RPL31: variants seen among roughly 807,000 people sequenced by gnomAD.
The protein encoded by RPL31 is ribosomal protein L31, also known as large ribosomal subunit protein eL31.
For missense variants in RPL31, 95 were observed against 164.0 expected (o/e 0.58, Z 2.30); for synonymous variants, 51 against 55.0 (o/e 0.93, Z 0.32).
chr2:101,004,600 T>C (rs1678648887), intron 3 of RPL31: 1 of 363,534 alleles, frequency 2.8e-6, no homozygotes, highest in Non-Finnish European at 4.8e-6. Flanking sequence ...GTGAGCCCAG[T>C]GGAGGAGGGA....
At chr2:101,011,412 G>T, downstream of RPL31, 1 of 1,586,600 alleles carries the variant, frequency 6.3e-7, no homozygotes, top group Non-Finnish European at 8.7e-7. Context: ...CCACTGCAGT[G>T]GTATGCAGGG....
At chr2:101,018,586 T>A (rs781543926) in intron 4 of RPL31, among the ~76,000 whole-genome samples, 13 of 152,340 alleles carry the variant, frequency 8.5e-5, no homozygotes, top group Middle Eastern at 3.4e-3. Context: ...GGACATCCTT[T>A]AATGTGGATT....
At chr2:101,014,507 T>C (rs1679468454) in intron 4 of RPL31, among the ~76,000 whole-genome samples, 1 of 152,212 alleles carries the variant, frequency 6.6e-6, no homozygotes, top group Admixed American at 6.5e-5. Flanking sequence ...AAAGTCATTG[T>C]CTCCTCCAGC....
intron 1 of RPL31, 135 bp downstream of exon 1, chr2:101,002,450 C>G: frequency 1.8e-6 from 1 of 542,250 alleles, no homozygotes; most frequent in Non-Finnish European, 3.3e-6. Flanking sequence ...ATACACCCTG[C>G]TTTTAAAGGC....
intron 4 of RPL31, among the ~76,000 whole-genome samples, chr2:101,014,724 G>A (rs186099301): frequency 3.2e-4 from 48 of 152,250 alleles, no homozygotes; most frequent in Non-Finnish European, 5.0e-4. Context: ...ATATTGGCAC[G>A]TTCTTAAAAG....
chr2:101,017,096 A>C (rs1679710253), intron 4 of RPL31, among the ~76,000 whole-genome samples: 1 of 151,770 alleles, frequency 6.6e-6, no homozygotes, highest in East Asian at 1.9e-4. Flanking sequence ...AAAAAGACAA[A>C]CACGCACATT....
Position 101,006,503 on chromosome 2 carries a change from C to A in RPL31, c.*122C>A. The A allele has an allele frequency of 2.1e-6, 2 of 961,356 alleles. No individual in the cohort carries two copies. Among genetic ancestry groups the A allele is most frequent in the Non-Finnish European group, 3.0e-6 (2 of 663,580 alleles). The allele number at this position is 961,356 out of a possible 1,614,324, so 59.6% of individuals were successfully genotyped here. A position where few individuals can be genotyped will look rare whatever the true frequency, so the allele number is the denominator to read the frequency against. On this transcript the variant is annotated 3_prime_UTR_variant, in exon 5 of 5. Transcript: ENST00000264258. ...ATGGGATCATTTGAAGAGCTTTTCC[C>A]AAATTGATGGCCTGTGCTGCCTTCT... is the stretch of plus-strand genomic sequence containing the variant.
downstream of RPL31, among the ~76,000 whole-genome samples, chr2:101,012,238 A>G (rs1311967261): frequency 6.6e-6 from 1 of 152,246 alleles, no homozygotes; most frequent in Non-Finnish European, 1.5e-5. Context: ...AAGTGTTCAC[A>G]TGCAAACTTG....
Position 101,006,356 on chromosome 2 carries a change from A to T in RPL31, c.353A>T (p.Gln118Leu), listed in dbSNP as rs898166489. The change falls in exon 5 of 5, where the codon CAG becomes CTG. Residue 118 changes from glutamine (Q) to leucine (L), a missense_variant. Coordinates refer to ENST00000264258, the MANE Select transcript of RPL31 (RefSeq NM_000993.5). ...ACTGTTACTTCCTTTACAGATCTAC[A>T]GACAGTCAATGTGGATGAGAACTAA... Reference protein sequence around the residue: ...YVPVTTFKNLQTVNVDEN With the variant: ...YVPVTTFKNLLTVNVDEN The T allele has an allele frequency of 1.9e-6, 3 of 1,610,554 alleles. No homozygotes were observed. Among genetic ancestry groups the T allele is most frequent in the Non-Finnish European group, 2.5e-6 (3 of 1,179,060 alleles).
chr2:101,011,434 T>G (rs565554325), downstream of RPL31: 148 of 1,613,384 alleles, frequency 9.2e-5, no homozygotes, highest in East Asian at 2.9e-3. Context: ...AAAGCAACAA[T>G]GAAAAGAGGT....
chr2:101,019,680 C>T (rs1177355597), exon 5 of RPL31: 2 of 152,130 alleles, frequency 1.3e-5, no homozygotes, highest in African/African-American at 4.8e-5. Context: ...TTTTCTGAAA[C>T]CATGAAGGAC....
At chr2:101,010,914 G>A, downstream of RPL31, 1 of 1,582,752 alleles carries the variant, frequency 6.3e-7, no homozygotes, top group Non-Finnish European at 8.6e-7. Context: ...TCTCTGCACT[G>A]AAGAAAGTCC....
intron 2 of RPL31, among the ~76,000 whole-genome samples, chr2:101,003,159 G>A (rs747475409): frequency 6.6e-6 from 1 of 152,142 alleles, no homozygotes; most frequent in Non-Finnish European, 1.5e-5. Flanking sequence ...ATCCCACATT[G>A]GCTGACCCGC....
At chr2:101,017,090 A>G (rs1679708559) in intron 4 of RPL31, among the ~76,000 whole-genome samples, 1 of 100,426 alleles carries the variant, frequency 1.0e-5, no homozygotes. Context: ...AAAAAAAAAA[A>G]GACAAACACG....
downstream of RPL31, chr2:101,008,102 GCTCCTCCCCACA>G: frequency 6.2e-7 from 1 of 1,613,876 alleles, no homozygotes; most frequent in Non-Finnish European, 8.5e-7. Flanking sequence ...GAAGCCCGCA[GCTCCTCCCCACA>G]CTCCTGGGAG....
chr2:101,018,898 A>G (rs868496916), intron 4 of RPL31: 17 of 1,472,926 alleles, frequency 1.2e-5, no homozygotes, highest in Middle Eastern at 1.7e-4. Flanking sequence ...AGGTTTATCA[A>G]TCTGCAGTGA....
At chr2:101,011,078 A>G, downstream of RPL31, 3 of 1,557,228 alleles carry the variant, frequency 1.9e-6, no homozygotes, top group Non-Finnish European at 2.6e-6. Flanking sequence ...ATTCAGTGAC[A>G]GCAAAAAGGA....
In RPL31 at chr2:101,017,982, G is replaced by A. The variant is rs959596081; in HGVS notation, c.347-1016G>A. Reference sequence around the variant, plus strand: ...AAAAGTCATTATAGAGGATTCGAACGGTTCCAATGCTCGCAATTCTACTTC... The same window carrying A: ...AAAAGTCATTATAGAGGATTCGAACAGTTCCAATGCTCGCAATTCTACTTC... On this transcript the variant is annotated intron_variant, in intron 4 of 4. Transcript: ENST00000409028. 41 of 1,511,806 alleles carry A rather than the reference G, an allele frequency of 2.7e-5. No individual in the cohort carries two copies. In the East Asian group the frequency reaches 6.6e-4, roughly 24 times the overall value. 93.6% of individuals were successfully genotyped at this position (1,511,806 alleles called of 1,614,324 possible). A position where few individuals can be genotyped will look rare whatever the true frequency, so the allele number is the denominator to read the frequency against.
chr2:101,013,267 C>T (rs564413609), intron 4 of RPL31, among the ~76,000 whole-genome samples: 5 of 152,286 alleles, frequency 3.3e-5, no homozygotes, highest in African/African-American at 9.6e-5. Flanking sequence ...ATACTCATTC[C>T]ACGATCTATT....
Sources: gnomAD v4.1 joint callset for allele counts (sites outside exome capture counted in the v4.1 genomes callset) on GRCh38, gnomAD v4.1.1 for gene constraint, MANE v1.5 for transcripts, NCBI Gene and HGNC (gene_info 2026-07-23, HGNC 2026-07-21) for gene names.